Variants in REC114 observed in about 807,000 individuals in gnomAD.
The protein encoded by REC114 is REC114 meiotic recombination protein.
Under a neutral mutation model 31.3 loss-of-function variants are expected in REC114, and 27 were observed. That is an observed-to-expected ratio of 0.86 (90% CI 0.64 to 1.19). REC114 has a LOEUF of 1.19. REC114 is among the 50% of genes most tolerant of loss of function. The pLI, the probability that REC114 is intolerant of heterozygous loss-of-function variation, is 0.00. For missense variants in REC114, 344 were observed against 326.9 expected (o/e 1.05, Z -0.40); for synonymous variants, 134 against 127.7 (o/e 1.05, Z -0.33).
chr15:73,539,617 T>C (rs1015481499), intron 2 of REC114, among the ~76,000 whole-genome samples: 1 of 151,858 alleles, frequency 6.6e-6, no homozygotes, highest in Non-Finnish European at 1.5e-5. Context: ...TACATTTTCT[T>C]CTGTTTTTTT....
chr15:73,539,325 C>T lies in REC114; in HGVS notation c.250-1160C>T, dbSNP rs1055907028. Among the ~76,000 whole-genome samples the T allele has an allele frequency of 4.4e-5, 5 of 112,958 alleles. 1 individual carries two copies. Among genetic ancestry groups the T allele is most frequent in the Non-Finnish European group, 8.3e-5 (5 of 60,226 alleles). The allele number at this position is 112,958 out of a possible 152,430, so 74.1% of individuals were successfully genotyped here. A position where few individuals can be genotyped will look rare whatever the true frequency, so the allele number is the denominator to read the frequency against. The stretch of plus-strand genomic sequence containing the variant: ...TTTTTTTTTGAGACGGAATCTCACT[C>T]TGTCCCCCAGACTGGAGTGCAGTGG... On this transcript the variant is annotated intron_variant, in intron 2 of 5. Coordinates refer to ENST00000331090, the MANE Select transcript of REC114 (RefSeq NM_001042367.2).
intron 3 of REC114, among the ~76,000 whole-genome samples, chr15:73,545,298 G>A (rs183878004): frequency 6.6e-5 from 10 of 152,288 alleles, no homozygotes; most frequent in Non-Finnish European, 1.0e-4. Context: ...GGCGAAGTTC[G>A]TGATTGTTGG....
chr15:73,504,109 C>T (rs756027719), intron 2 of REC114, among the ~76,000 whole-genome samples: 3 of 146,664 alleles, frequency 2.0e-5, no homozygotes, highest in Non-Finnish European at 4.5e-5. Context: ...CAGGTTCAAG[C>T]GATTCTCCTG....
chr15:73,466,976 T>C (rs1181997370), intron 1 of REC114, among the ~76,000 whole-genome samples: 2 of 151,976 alleles, frequency 1.3e-5, no homozygotes, highest in Non-Finnish European at 2.9e-5. Flanking sequence ...TAAGAAAGGG[T>C]TGGATTAAGA....
intron 1 of REC114, among the ~76,000 whole-genome samples, chr15:73,452,692 A>T (rs1165956331): frequency 6.6e-6 from 1 of 152,212 alleles, no homozygotes; most frequent in Non-Finnish European, 1.5e-5. Flanking sequence ...CCTAAGCAAA[A>T]AGAACAAAGC....
rs1220563554 is a variant in REC114 at position 73,513,311 on chromosome 15, C to T, written c.250-27174C>T. Among the ~76,000 whole-genome samples the T allele has an allele frequency of 4.0e-5, 6 of 151,882 alleles. No individual in the cohort carries two copies. The South Asian group carries it at 8.4e-4, about 21-fold the overall frequency. On this transcript the variant is annotated intron_variant, in intron 2 of 5. Transcript: ENST00000331090. The stretch of plus-strand genomic sequence containing the variant: ...TCAGCTCCATCAGCTCCTTTAAGCA[C>T]TTCTCTGTATTGGTTATTCTAGTTA...
intron 2 of REC114, among the ~76,000 whole-genome samples, chr15:73,493,900 T>C (rs1440570449): frequency 6.6e-6 from 1 of 152,216 alleles, no homozygotes; most frequent in East Asian, 1.9e-4. Flanking sequence ...AGGGCACAGT[T>C]ATTTCAGATG....
At chr15:73,465,155 G>A (rs147365226) in intron 1 of REC114, among the ~76,000 whole-genome samples, 1 of 152,220 alleles carries the variant, frequency 6.6e-6, no homozygotes, top group Non-Finnish European at 1.5e-5. Context: ...GCCTCCCAAA[G>A]TGCTGGGCTT....
rs1595865106 is a variant in REC114, at chr15:73,477,048, A to G, written c.249+3127A>G. ...TTGGTATTGTCAGTCTTTTTAACTT[A>G]TCTATCCTAATAAGTGTGTAGTATT... is the stretch of plus-strand genomic sequence containing the variant. On this transcript the variant is annotated intron_variant, in intron 2 of 5. Coordinates refer to ENST00000331090, the MANE Select transcript of REC114 (RefSeq NM_001042367.2). 5.9e-5 allele frequency among the ~76,000 whole-genome samples: 9 copies of G among 152,330 alleles called. No individual in the cohort carries two copies. In the East Asian group the frequency reaches 1.7e-3, roughly 29 times the overall value.
Position 73,540,488 on chromosome 15 carries a change from G to T in REC114, c.253G>T (p.Gly85Trp). 2.5e-6 allele frequency: 4 copies of T among 1,613,576 alleles called. No homozygotes were observed. The highest frequency in any genetic ancestry group is 3.4e-6 in the Non-Finnish European group (4 of 1,179,556). The change falls in exon 3 of 6, where the codon GGG becomes TGG. Residue 85 changes from glycine (G) to tryptophan (W), a missense_variant. Gly to Trp is a radical substitution (Grantham distance 184). Coordinates refer to ENST00000331090, the MANE Select transcript of REC114 (RefSeq NM_001042367.2). ...FIFQGQTLLEGFSLIGSKDWL... is the reference protein window; with the variant it reads ...FIFQGQTLLEWFSLIGSKDWL... ...TTTTTGCCTAATTTTGTTTCAGGAAGGGTTTTCACTCATTGGTAGCAAGGA... is the reference window on the plus strand; with the variant it reads ...TTTTTGCCTAATTTTGTTTCAGGAATGGTTTTCACTCATTGGTAGCAAGGA...
chr15:73,479,585 T>G (rs1893264467), intron 2 of REC114, among the ~76,000 whole-genome samples: 1 of 152,124 alleles, frequency 6.6e-6, no homozygotes, highest in South Asian at 2.1e-4. Flanking sequence ...TCTCATTTCC[T>G]CTACCTTCCC....
In REC114 at chr15:73,458,971, C is replaced by T. The variant is rs559240860; in HGVS notation, c.160-14861C>T. On this transcript the variant is annotated intron_variant, in intron 1 of 5. Coordinates refer to ENST00000331090, the MANE Select transcript of REC114 (RefSeq NM_001042367.2). The stretch of plus-strand genomic sequence containing the variant: ...CAGTTCTCTTCTGATCTAGAGACTG[C>T]TAAGAAATGAAGACTTATTCTTTGA... 2.6e-5 allele frequency among the ~76,000 whole-genome samples: 4 copies of T among 152,286 alleles called. No homozygotes were observed. The South Asian group carries it at 6.2e-4, about 24-fold the overall frequency.
chr15:73,555,450 T>C (rs1894452103), intron 4 of REC114, among the ~76,000 whole-genome samples: 1 of 152,190 alleles, frequency 6.6e-6, no homozygotes, highest in East Asian at 1.9e-4. Flanking sequence ...AAGCATCCCA[T>C]GTCCTACCCG....
At chr15:73,489,874 G>A (rs147452455) in intron 2 of REC114, among the ~76,000 whole-genome samples, 14 of 152,246 alleles carry the variant, frequency 9.2e-5, no homozygotes, top group African/African-American at 3.4e-4. Context: ...CCAATCTCAT[G>A]TCTGATGCCA....
chr15:73,519,668 T>C (rs935230517), intron 2 of REC114, among the ~76,000 whole-genome samples: 3 of 152,248 alleles, frequency 2.0e-5, no homozygotes, highest in Admixed American at 2.0e-4. Flanking sequence ...CAAAGAGATA[T>C]TCGTACACTC....
intron 2 of REC114, among the ~76,000 whole-genome samples, chr15:73,474,474 T>C (rs969413600): frequency 4.0e-5 from 6 of 151,742 alleles, no homozygotes; most frequent in African/African-American, 9.7e-5. Context: ...AGAAACCAAA[T>C]GAAAGAAAAA....
Position 73,513,756 on chromosome 15 carries a change from CG to C in REC114, c.250-26724del, listed in dbSNP as rs1190431466. ...GGGGGTGCCTCCCAGTTAGGCTGCT[CG>C]GGGGTCAGGGGTCAGGGACCCACTT... On this transcript the variant is annotated intron_variant, in intron 2 of 5. Coordinates refer to ENST00000331090, the MANE Select transcript of REC114 (RefSeq NM_001042367.2). 2.5e-3 allele frequency among the ~76,000 whole-genome samples: 382 copies of C among 151,522 alleles called. 1 individual carries two copies. The highest frequency in any genetic ancestry group is 7.0e-3 in the Middle Eastern group (2 of 286).
chr15:73,554,889 A>G (rs1894442386), intron 4 of REC114, among the ~76,000 whole-genome samples: 2 of 152,226 alleles, frequency 1.3e-5, no homozygotes, highest in African/African-American at 2.4e-5. Flanking sequence ...GGAAAGCATC[A>G]TATGTCATAG....
intron 2 of REC114, among the ~76,000 whole-genome samples, chr15:73,534,339 A>ATC (rs1894127037): frequency 6.6e-6 from 1 of 152,240 alleles, no homozygotes; most frequent in Non-Finnish European, 1.5e-5. Context: ...AAAAAATGAT[A>ATC]AAGGGGATAT....
Sources: gnomAD v4.1 joint callset for allele counts (sites outside exome capture counted in the v4.1 genomes callset) on GRCh38, gnomAD v4.1.1 for gene constraint, MANE v1.5 for transcripts, NCBI Gene and HGNC (gene_info 2026-07-23, HGNC 2026-07-21) for gene names.